Variants in PRKCZ observed in about 807,000 individuals in gnomAD.
The protein encoded by PRKCZ is protein kinase C zeta.
A neutral mutation model predicts 79.5 loss-of-function variants in PRKCZ; 33 were observed. The observed-to-expected ratio is 0.41, with a 90% confidence interval of 0.31 to 0.55. PRKCZ has a LOEUF of 0.55. Among genes scored for constraint, PRKCZ ranks in the 20% least tolerant of loss-of-function variants. The probability of loss-of-function intolerance (pLI) is 0.19; values close to 1 mark genes in which losing one functional copy is unlikely to be tolerated. For synonymous variants in PRKCZ, 342 were observed against 320.9 expected, an observed-to-expected ratio of 1.07 and a Z score of -0.70; for missense variants, 578 against 813.5, an observed-to-expected ratio of 0.71 and a Z score of 3.52.
At chr1:2,097,669 G>A (rs550332358) in intron 4 of PRKCZ, among the ~76,000 whole-genome samples, 97 of 152,280 alleles carry the variant, frequency 6.4e-4, no homozygotes, top group Non-Finnish European at 9.4e-4. Flanking sequence ...CGGAAGGCAC[G>A]CCTCGCACCG....
intron 10 of PRKCZ, among the ~76,000 whole-genome samples, chr1:2,166,455 C>A (rs1326588143): frequency 6.6e-6 from 1 of 152,104 alleles, no homozygotes. Context: ...CTCATGACTC[C>A]CGCCTCCCGC....
In PRKCZ at chr1:2,177,365, A is replaced by T. The variant is rs1372387089; in HGVS notation, c.1575+2052A>T. On this transcript the variant is annotated intron_variant, in intron 16 of 17. Coordinates refer to ENST00000378567, the MANE Select transcript of PRKCZ (RefSeq NM_002744.6). The surrounding 1 kb of genome is among the most constrained non-coding windows in gnomAD (Gnocchi z 6.4). ...GCTCAGTCTCCCCCGTGCCTTTCCC[A>T]CCCTCTCTCTTCCAAGCCCACCACC... Among the ~76,000 whole-genome samples, 1 of 150,038 alleles carries T rather than the reference A, an allele frequency of 6.7e-6. No homozygotes were observed. Among genetic ancestry groups the T allele is most frequent in the African/African-American group, 2.5e-5 (1 of 40,602 alleles).
At chr1:2,166,255 C>CA (rs1683295965) in intron 10 of PRKCZ, among the ~76,000 whole-genome samples, 1 of 152,028 alleles carries the variant, frequency 6.6e-6, no homozygotes, top group Admixed American at 6.5e-5. Context: ...CCTTTCTCTA[C>CA]AAAAAATTTA....
Position 2,080,417 on chromosome 1 carries a change from G to A in PRKCZ, c.334+20826G>A, listed in dbSNP as rs149260660. On this transcript the variant is annotated intron_variant, in intron 4 of 17. Transcript: ENST00000378567. The stretch of plus-strand genomic sequence containing the variant: ...ATCCTGAGGGGCCGGAGGGTGTGGT[G>A]CAGGGTTTTAAGGAGGGCAAAGGCC... Among the ~76,000 whole-genome samples, 1,039 of 141,896 alleles carry A rather than the reference G, an allele frequency of 7.3e-3. 16 individuals are homozygous for A. Among genetic ancestry groups the A allele is most frequent in the African/African-American group, 0.031 (975 of 31,840 alleles). The allele number at this position is 141,896 out of a possible 152,430, so 93.1% of individuals were successfully genotyped here.
chr1:2,164,817 C>T (rs72925871), intron 10 of PRKCZ, among the ~76,000 whole-genome samples: 5,871 of 152,162 alleles, frequency 0.039, 345 homozygotes, highest in African/African-American at 0.13. Context: ...TGCCTCGCTC[C>T]GCCCTGGCTT....
chr1:2,053,334 C>T (rs1038110422), intron 1 of PRKCZ, among the ~76,000 whole-genome samples: 2 of 152,182 alleles, frequency 1.3e-5, no homozygotes. Flanking sequence ...CTTCTGACCT[C>T]GTGATCCGCC....
chr1:2,114,470 A>G (rs1421322430), intron 4 of PRKCZ, among the ~76,000 whole-genome samples: 1 of 152,228 alleles, frequency 6.6e-6, no homozygotes, highest in Admixed American at 6.5e-5. Flanking sequence ...AGCAAATAAA[A>G]TAAGCTGAAG....
intron 16 of PRKCZ, among the ~76,000 whole-genome samples, chr1:2,180,048 A>T (rs1686250578): frequency 6.6e-6 from 1 of 151,970 alleles, no homozygotes; most frequent in Non-Finnish European, 1.5e-5. Flanking sequence ...CACAGCTGTG[A>T]CCTCATGGAG....
chr1:2,167,593 T>G (rs1412391702), intron 10 of PRKCZ, among the ~76,000 whole-genome samples: 1 of 152,038 alleles, frequency 6.6e-6, no homozygotes, highest in Non-Finnish European at 1.5e-5. Context: ...AGGGTTTTTG[T>G]GGTTTTTTGT....
intron 4 of PRKCZ, chr1:2,074,146 A>G (rs899875212): frequency 3.2e-6 from 5 of 1,543,236 alleles, no homozygotes; most frequent in East Asian, 4.9e-5. Context: ...GCTCCCAGCA[A>G]TGTCAGGGGA....
chr1:2,070,720 A>G (rs1190588719), intron 4 of PRKCZ, among the ~76,000 whole-genome samples: 1 of 145,568 alleles, frequency 6.9e-6, no homozygotes, highest in Admixed American at 6.8e-5. Flanking sequence ...TCCTGACCCC[A>G]CAGTGGGGGC....
chr1:2,152,183 A>G (rs1261890810), intron 9 of PRKCZ, among the ~76,000 whole-genome samples: 6 of 152,118 alleles, frequency 3.9e-5, no homozygotes, highest in African/African-American at 1.4e-4. Context: ...GACTTCATAG[A>G]CCTTTTTCTT....
intron 1 of PRKCZ, among the ~76,000 whole-genome samples, chr1:2,052,548 C>T (rs967938714): frequency 6.6e-6 from 1 of 151,958 alleles, no homozygotes; most frequent in Admixed American, 6.6e-5. Flanking sequence ...TCCCCTCTGG[C>T]TCTTCCCTGC....
At chr1:2,160,143 C>T (rs776140848) in intron 10 of PRKCZ, among the ~76,000 whole-genome samples, 1 of 152,150 alleles carries the variant, frequency 6.6e-6, no homozygotes, top group African/African-American at 2.4e-5. Context: ...TCTGTGGAAG[C>T]GCTTCTCAGG....
In PRKCZ at chr1:2,082,282, A is replaced by G; in HGVS notation, c.334+22691A>G. ...GAGGGAGGCTCCGTGGCACGATCAC[A>G]CGTGCAGGAGCTGGGGGCTGCCAGA... is the stretch of plus-strand genomic sequence containing the variant. On this transcript the variant is annotated intron_variant, in intron 4 of 17. Transcript: ENST00000378567. The surrounding 1 kb of genome is among the most constrained non-coding windows in gnomAD (Gnocchi z 4.4). 2.3e-6 allele frequency: 1 copy of G among 434,264 alleles called. No individual in the cohort carries two copies. The highest frequency in any genetic ancestry group is 1.7e-5 in the South Asian group (1 of 60,394). 26.9% of individuals were successfully genotyped at this position (434,264 alleles called of 1,614,324 possible).
At chr1:2,076,465 A>G (rs1662441267) in intron 4 of PRKCZ, among the ~76,000 whole-genome samples, 1 of 152,242 alleles carries the variant, frequency 6.6e-6, no homozygotes, top group Non-Finnish European at 1.5e-5. Flanking sequence ...TGTTCAGGCC[A>G]GGCACAGTGG....
rs553205765 is a variant in PRKCZ at position 2,125,831 on chromosome 1, C to T, written c.335-9431C>T. Among the ~76,000 whole-genome samples, 2 of 152,230 alleles carry T rather than the reference C, an allele frequency of 1.3e-5. No homozygotes were observed. The highest frequency in any genetic ancestry group is 2.9e-5 in the Non-Finnish European group (2 of 68,036). On this transcript the variant is annotated intron_variant, in intron 4 of 17. Transcript: ENST00000378567. The surrounding 1 kb of genome is among the most constrained non-coding windows in gnomAD (Gnocchi z 4.2). ...ACGCATCCTAGCCACGGCCTCCTCA[C>T]GTCCATGCGGGGATTTGCGCCCTGG...
At chr1:2,162,064 CTT>C (rs549105613) in intron 10 of PRKCZ, among the ~76,000 whole-genome samples, 5 of 152,184 alleles carry the variant, frequency 3.3e-5, no homozygotes, top group Admixed American at 1.3e-4. Flanking sequence ...TTCCTTTTCT[CTT>C]GTTTATTTTT....
At chr1:2,108,198 C>T (rs910164463) in intron 4 of PRKCZ, among the ~76,000 whole-genome samples, 6 of 152,168 alleles carry the variant, frequency 3.9e-5, no homozygotes, top group Non-Finnish European at 7.4e-5. Flanking sequence ...GGGCCATGAT[C>T]CTTCTGGGCG....
Sources: allele counts gnomAD v4.1 joint callset (sites outside exome capture counted in the v4.1 genomes callset), GRCh38; gene constraint gnomAD v4.1.1; non-coding constraint Gnocchi (gnomAD v3.1); transcripts MANE v1.5; gene names NCBI Gene and HGNC (gene_info 2026-07-23, HGNC 2026-07-21).